Variants in CACNB2 observed in about 807,000 individuals in gnomAD.
The protein encoded by CACNB2 is voltage-dependent L-type calcium channel subunit beta-2.
Under a neutral mutation model 73.3 loss-of-function variants are expected in CACNB2, and 42 were observed. That is an observed-to-expected ratio of 0.57 (90% CI 0.45 to 0.74). The LOEUF is 0.74. Ranked by LOEUF, CACNB2 falls within the 30% of genes least tolerant of loss-of-function variation. The pLI is 0.00. For synonymous variants in CACNB2, 348 were observed against 310.3 expected, an observed-to-expected ratio of 1.12 and a Z score of -1.28; for missense variants, 940 against 853.0, an observed-to-expected ratio of 1.10 and a Z score of -1.27.
At chr10:18,192,902 A>T (rs1424889464) in intron 2 of CACNB2, among the ~76,000 whole-genome samples, 1 of 152,200 alleles carries the variant, frequency 6.6e-6, no homozygotes, top group Non-Finnish European at 1.5e-5. Context: ...ACTGATGGAC[A>T]TGGGCTGTTT....
At chr10:18,509,647 G>A (rs995987740) in intron 6 of CACNB2, among the ~76,000 whole-genome samples, 7 of 152,084 alleles carry the variant, frequency 4.6e-5, no homozygotes, top group African/African-American at 1.7e-4. Flanking sequence ...AAAATTAGCT[G>A]GGTATGGTGG....
intron 2 of CACNB2, among the ~76,000 whole-genome samples, chr10:18,153,272 C>T (rs1377416518): frequency 2.0e-5 from 3 of 152,104 alleles, no homozygotes; most frequent in African/African-American, 7.2e-5. Flanking sequence ...TTTGCTATGG[C>T]ATGGCTTTTG....
intron 2 of CACNB2, among the ~76,000 whole-genome samples, chr10:18,394,047 T>C (rs1195025499): frequency 1.3e-5 from 2 of 152,148 alleles, no homozygotes; most frequent in African/African-American, 4.8e-5. Flanking sequence ...GTTCAGGCAA[T>C]TCTTCTGCCT....
chr10:18,400,720 G>T (rs1049562679), intron 2 of CACNB2: 5 of 1,262,714 alleles, frequency 4.0e-6, no homozygotes, highest in Non-Finnish European at 5.0e-6. Flanking sequence ...AATGTTTAGG[G>T]TTATGAGATG....
chr10:18,307,982 A>ATTTTTTTTTTTTTTTTT (rs1564423318), intron 2 of CACNB2, among the ~76,000 whole-genome samples: 4 of 52,670 alleles, frequency 7.6e-5, no homozygotes, highest in African/African-American at 2.7e-4. Flanking sequence ...ATATATGCCA[A>ATTTTTTTTTTTTTTTTT]CTTTTTTTTT....
rs1226981094 is a variant in CACNB2 at position 18,272,401 on chromosome 10, C to CA, written c.213+121432dup. Among the ~76,000 whole-genome samples the CA allele has an allele frequency of 3.3e-5, 5 of 152,202 alleles. No homozygotes were observed. The South Asian group carries it at 1.0e-3, about 32-fold the overall frequency. The stretch of plus-strand genomic sequence containing the variant: ...TGCCTCTATATTCATAATTACCCTC[C>CA]AAAAAACTTCAGAGAGGGTGGATAA... On this transcript the variant is annotated intron_variant, in intron 2 of 13. Coordinates refer to ENST00000324631, the MANE Select transcript of CACNB2 (RefSeq NM_201596.3).
intron 3 of CACNB2, among the ~76,000 whole-genome samples, chr10:18,442,926 G>A (rs200152850): frequency 8.9e-4 from 44 of 49,432 alleles, no homozygotes; most frequent in South Asian, 2.2e-3. Context: ...ATATATATAT[G>A]TATATATATA....
intron 2 of CACNB2, among the ~76,000 whole-genome samples, chr10:18,195,321 C>T: frequency 6.6e-6 from 1 of 152,180 alleles, no homozygotes; most frequent in African/African-American, 2.4e-5. Context: ...GCACTATATT[C>T]TCATACCAGT....
chr10:18,285,466 G>C (rs1348562073), intron 2 of CACNB2, among the ~76,000 whole-genome samples: 1 of 152,202 alleles, frequency 6.6e-6, no homozygotes, highest in African/African-American at 2.4e-5. Context: ...CCACTTGGGT[G>C]AGCCATCATG....
intron 3 of CACNB2, among the ~76,000 whole-genome samples, chr10:18,436,053 C>CA (rs1430401349): frequency 2.0e-5 from 3 of 152,114 alleles, no homozygotes; most frequent in Non-Finnish European, 2.9e-5. Context: ...ATAAGTTTAA[C>CA]AAAAGGAGAA....
At chr10:18,417,527 C>G (rs1490103817) in intron 3 of CACNB2, among the ~76,000 whole-genome samples, 1 of 151,910 alleles carries the variant, frequency 6.6e-6, no homozygotes, top group African/African-American at 2.4e-5. Context: ...CACCACCACA[C>G]CCGGCTAATT....
intron 2 of CACNB2, among the ~76,000 whole-genome samples, chr10:18,312,932 T>C (rs1404217010): frequency 2.0e-5 from 3 of 152,188 alleles, no homozygotes; most frequent in Non-Finnish European, 4.4e-5. Flanking sequence ...AAGTGACTGC[T>C]GACCTCTAGA....
In CACNB2 at chr10:18,527,809, G is replaced by C. The variant is rs1467362503; in HGVS notation, c.1054+112G>C. The stretch of plus-strand genomic sequence containing the variant: ...GTGTCACAGAGTATAGAAAAAACAG[G>C]TGTGTGCTGCCAGTCGCTGTTGCTA... On this transcript the variant is annotated intron_variant, in intron 10 of 13. Transcript: ENST00000324631. 4.0e-6 allele frequency: 3 copies of C among 754,060 alleles called. No homozygotes were observed. In the South Asian group the frequency reaches 4.3e-5, roughly 11 times the overall value. 46.7% of individuals were successfully genotyped at this position (754,060 alleles called of 1,614,324 possible). A position where few individuals can be genotyped will look rare whatever the true frequency, so the allele number is the denominator to read the frequency against.
intron 3 of CACNB2, among the ~76,000 whole-genome samples, chr10:18,467,045 T>C (rs1365568650): frequency 1.3e-5 from 2 of 152,120 alleles, no homozygotes; most frequent in African/African-American, 2.4e-5. Context: ...TCCCAGCTGC[T>C]AGGGAGGCTG....
chr10:18,347,709 T>G (rs1236744239), intron 2 of CACNB2, among the ~76,000 whole-genome samples: 1 of 152,120 alleles, frequency 6.6e-6, no homozygotes, highest in Non-Finnish European at 1.5e-5. Context: ...GAAGCCTGAG[T>G]AATTACTTAA....
At position 18,174,304 on chromosome 10, in the gene CACNB2, C is replaced by T. The variant is rs866453595; in HGVS notation, c.213+23329C>T. On this transcript the variant is annotated intron_variant, in intron 2 of 13. Transcript: ENST00000324631. ...TCTCTTTCTCTCTTTTCCTTCCTTC[C>T]TTCCCTCCCTCCCTCCCCCCTCTTT... Among the ~76,000 whole-genome samples, 4 of 139,460 alleles carry T rather than the reference C, an allele frequency of 2.9e-5. No homozygotes were observed. In the South Asian group the frequency reaches 7.7e-4, roughly 27 times the overall value. 91.5% of individuals were successfully genotyped at this position (139,460 alleles called of 152,430 possible). A position where few individuals can be genotyped will look rare whatever the true frequency, so the allele number is the denominator to read the frequency against.
At chr10:18,322,202 A>T (rs1311322152) in intron 2 of CACNB2, among the ~76,000 whole-genome samples, 3 of 152,136 alleles carry the variant, frequency 2.0e-5, no homozygotes, top group African/African-American at 7.2e-5. Context: ...CCTCAAACAG[A>T]AATCTTAGAA....
intron 2 of CACNB2, among the ~76,000 whole-genome samples, chr10:18,297,259 C>A (rs1344920017): frequency 2.0e-5 from 3 of 152,082 alleles, no homozygotes; most frequent in Admixed American, 6.6e-5. Flanking sequence ...TTAAAAATTC[C>A]TCAGGCCAGG....
At chr10:18,522,202 A>C (rs12358173) in intron 9 of CACNB2, among the ~76,000 whole-genome samples, 7,359 of 152,132 alleles carry the variant, frequency 0.048, 274 homozygotes, top group Non-Finnish European at 0.077. Context: ...TAGTTGCAGG[A>C]AAACAAGCTC....
Sources: allele counts gnomAD v4.1 joint callset (sites outside exome capture counted in the v4.1 genomes callset), GRCh38; gene constraint gnomAD v4.1.1; transcripts MANE v1.5; gene names NCBI Gene and HGNC (gene_info 2026-07-23, HGNC 2026-07-21).